The following CDC42SE2 variants were observed in gnomAD, a reference collection of about 807,000 sequenced individuals.
CDC42SE2 encodes CDC42 small effector 2.
CDC42SE2 carries 3 observed loss-of-function variants against 11.5 expected under a neutral mutation model. The observed-to-expected ratio is 0.26, with a 90% CI of 0.12 to 0.67. The LOEUF is 0.67. Ranked by LOEUF, CDC42SE2 falls within the 30% of genes least tolerant of loss-of-function variation. The probability of loss-of-function intolerance (pLI) is 0.80; values close to 1 mark genes in which losing one functional copy is unlikely to be tolerated. For synonymous variants in CDC42SE2, 33 were observed against 34.8 expected, an observed-to-expected ratio of 0.95 and a Z score of 0.18; for missense variants, 82 against 106.8, an observed-to-expected ratio of 0.77 and a Z score of 1.02.
the CDC42SE2 span, among the ~76,000 whole-genome samples, chr5:131,232,615 TC>T: frequency 6.6e-6 from 1 of 150,992 alleles, no homozygotes; most frequent in Non-Finnish European, 1.5e-5. Context: ...GCGCCTGTAA[TC>T]CCAGGTACTT....
At chr5:131,258,170 T>C (rs768512301) in intron 2 of CDC42SE2, among the ~76,000 whole-genome samples, 1 of 152,180 alleles carries the variant, frequency 6.6e-6, no homozygotes, top group African/African-American at 2.4e-5. Flanking sequence ...TTTCTGAACT[T>C]TTGCTCACTA....
At chr5:131,265,923 T>A (rs1238137989) in intron 1 of CDC42SE2, among the ~76,000 whole-genome samples, 1 of 152,246 alleles carries the variant, frequency 6.6e-6, no homozygotes, top group Non-Finnish European at 1.5e-5. Flanking sequence ...ACATTTTCTG[T>A]TTTTAAAAAT....
At chr5:131,337,321 G>T (rs191754186) in intron 2 of CDC42SE2, among the ~76,000 whole-genome samples, 3 of 152,136 alleles carry the variant, frequency 2.0e-5, no homozygotes, top group Admixed American at 6.6e-5. Context: ...CTGATCGTTC[G>T]TCTGGAAGTT....
chr5:131,300,706 C>G (rs1462772057), intron 1 of CDC42SE2, among the ~76,000 whole-genome samples: 1 of 151,348 alleles, frequency 6.6e-6, no homozygotes, highest in Non-Finnish European at 1.5e-5. Flanking sequence ...TGGCGTGAAC[C>G]TGGGAGGTGG....
the CDC42SE2 span, among the ~76,000 whole-genome samples, chr5:131,228,962 T>C: frequency 6.6e-6 from 1 of 152,198 alleles, no homozygotes; most frequent in Non-Finnish European, 1.5e-5. Flanking sequence ...TTTCTGCTGT[T>C]TAAGCCATCC....
chr5:131,335,303 C>G (rs185353076), intron 2 of CDC42SE2, among the ~76,000 whole-genome samples: 148 of 152,266 alleles, frequency 9.7e-4, no homozygotes, highest in Admixed American at 9.0e-3. Context: ...ATCCTGAGTT[C>G]TAGTTTGATT....
At chr5:131,210,768 G>A in the CDC42SE2 span, among the ~76,000 whole-genome samples, 1 of 152,082 alleles carries the variant, frequency 6.6e-6, no homozygotes, top group Admixed American at 6.6e-5. Flanking sequence ...ATCTTACTGA[G>A]GATTTATGTT....
At chr5:131,384,365 T>A (rs1171330397) in intron 3 of CDC42SE2, among the ~76,000 whole-genome samples, 2 of 152,206 alleles carry the variant, frequency 1.3e-5, no homozygotes, top group African/African-American at 4.8e-5. Flanking sequence ...GATAAAATTT[T>A]AGGGTTTATC....
the CDC42SE2 span, among the ~76,000 whole-genome samples, chr5:131,239,736 C>T: frequency 6.6e-6 from 1 of 152,114 alleles, no homozygotes. Flanking sequence ...CTTGGACTTC[C>T]CTCACCATAG....
intron 1 of CDC42SE2, among the ~76,000 whole-genome samples, chr5:131,299,591 A>G (rs1757639329): frequency 6.6e-6 from 1 of 152,230 alleles, no homozygotes; most frequent in Non-Finnish European, 1.5e-5. Context: ...AGGGTTCAGT[A>G]AAGTTTGAAG....
intron 3 of CDC42SE2, among the ~76,000 whole-genome samples, chr5:131,375,203 C>A (rs1180209880): frequency 6.6e-6 from 1 of 151,706 alleles, no homozygotes; most frequent in Non-Finnish European, 1.5e-5. Context: ...AGCAATTTGG[C>A]CCTTGAAAAG....
chr5:131,283,632 TG>T, intron 1 of CDC42SE2, among the ~76,000 whole-genome samples: 1 of 152,076 alleles, frequency 6.6e-6, no homozygotes, highest in East Asian at 1.9e-4. Context: ...TAACTGGGAT[TG>T]CAGGCCTGTG....
At chr5:131,214,161 T>G in the CDC42SE2 span, among the ~76,000 whole-genome samples, 86 of 152,338 alleles carry the variant, frequency 5.6e-4, no homozygotes, top group Admixed American at 1.9e-3. Flanking sequence ...ATTTTTAGTG[T>G]CTTAAAGAAA....
chr5:131,242,795 T>C (rs1383910197), upstream of CDC42SE2, among the ~76,000 whole-genome samples: 3 of 152,178 alleles, frequency 2.0e-5, no homozygotes, highest in African/African-American at 7.2e-5. Flanking sequence ...CTAGTTGCAG[T>C]AGTCTTCATT....
At chr5:131,311,171 G>A (rs1757901419) in intron 1 of CDC42SE2, among the ~76,000 whole-genome samples, 1 of 151,952 alleles carries the variant, frequency 6.6e-6, no homozygotes, top group Non-Finnish European at 1.5e-5. Flanking sequence ...TTGCTTGTCT[G>A]TAAAGGATTT....
chr5:131,221,434 A>G, the CDC42SE2 span, among the ~76,000 whole-genome samples: 18 of 152,066 alleles, frequency 1.2e-4, no homozygotes, highest in African/African-American at 4.1e-4. Flanking sequence ...TGTTCTGCTC[A>G]TCTATTCTGC....
chr5:131,393,586 C>T lies in CDC42SE2; in HGVS notation c.*2495C>T, dbSNP rs17167550. 0.032 allele frequency: 4,845 copies of T among 152,400 alleles called. 276 individuals are homozygous for T. The highest frequency in any genetic ancestry group is 0.11 in the African/African-American group (4,566 of 41,526). 9.4% of individuals were successfully genotyped at this position (152,400 alleles called of 1,614,324 possible). On this transcript the variant is annotated 3_prime_UTR_variant, in exon 5 of 5. Coordinates refer to ENST00000505065, the MANE Select transcript of CDC42SE2 (RefSeq NM_001375635.1). ...TGTTGTCATTCTGCTCAGCCAGGCACGGTCAGTTTCTTGGCCAGGGACATT... is the reference window on the plus strand; with the variant it reads ...TGTTGTCATTCTGCTCAGCCAGGCATGGTCAGTTTCTTGGCCAGGGACATT...
chr5:131,262,056 T>C (rs926732252), upstream of CDC42SE2, among the ~76,000 whole-genome samples: 3 of 152,024 alleles, frequency 2.0e-5, no homozygotes, highest in Non-Finnish European at 4.4e-5. Context: ...ATACTACCCT[T>C]TATAGGTAAA....
At chr5:131,304,002 C>G in intron 1 of CDC42SE2, among the ~76,000 whole-genome samples, 1 of 151,756 alleles carries the variant, frequency 6.6e-6, no homozygotes, top group East Asian at 1.9e-4. Context: ...CTCTCTTGCC[C>G]AGGCTGGAGT....
Sources: gnomAD v4.1 joint callset for allele counts (sites outside exome capture counted in the v4.1 genomes callset) on GRCh38, gnomAD v4.1.1 for gene constraint, MANE v1.5 for transcripts, NCBI Gene and HGNC (gene_info 2026-07-23, HGNC 2026-07-21) for gene names.